Variants in GRM8 observed in about 807,000 individuals in gnomAD.
GRM8 encodes the protein metabotropic glutamate receptor 8.
In GRM8, 47 loss-of-function variants were observed where a neutral mutation model predicts 87.2. The ratio of observed to expected loss-of-function variants is 0.54; its 90% CI spans 0.43 to 0.69. The LOEUF (loss-of-function observed/expected upper bound fraction) is 0.69, where lower values mean the gene tolerates loss of function less well. Among genes scored for constraint, GRM8 ranks in the 30% least tolerant of loss-of-function variants. The pLI, the probability that GRM8 is intolerant of heterozygous loss-of-function variation, is 0.00. For missense variants in GRM8, 1,019 were observed against 1,139.2 expected (o/e 0.89, Z 1.52); for synonymous variants, 396 against 404.5 (o/e 0.98, Z 0.25).
intron 3 of GRM8, among the ~76,000 whole-genome samples, chr7:127,061,618 C>T (rs1820599310): frequency 1.3e-5 from 2 of 152,094 alleles, no homozygotes; most frequent in Admixed American, 6.5e-5. Flanking sequence ...ACCCTTCCTC[C>T]CCCTGCTGAT....
intron 7 of GRM8, among the ~76,000 whole-genome samples, chr7:126,763,472 TACACACACACAC>T (rs143608746): frequency 1.0e-4 from 8 of 78,358 alleles, no homozygotes; most frequent in Non-Finnish European, 2.0e-4. Flanking sequence ...TATATATATA[TACACACACACAC>T]ACACACACAC....
At chr7:126,691,488 C>T (rs1187580377) in intron 7 of GRM8, among the ~76,000 whole-genome samples, 1 of 152,206 alleles carries the variant, frequency 6.6e-6, no homozygotes, top group Admixed American at 6.5e-5. Context: ...GGTTCCTGCC[C>T]CTCCAACTTG....
chr7:126,828,196 G>T (rs989265845), intron 6 of GRM8, among the ~76,000 whole-genome samples: 1 of 152,042 alleles, frequency 6.6e-6, no homozygotes, highest in Admixed American at 6.6e-5. Flanking sequence ...GTCTCTGCCC[G>T]GCTTTGGTAT....
rs565692007 is a variant in GRM8 at position 127,047,850 on chromosome 7, A to C, written c.727+58646T>G. The stretch of plus-strand genomic sequence containing the variant: ...GACCCTGTTTCAAAAAATAAAAAAT[A>C]AAAAAGCAATGCAAAATATCTTCCT... On this transcript the variant is annotated intron_variant, in intron 3 of 10. Coordinates refer to ENST00000339582, the MANE Select transcript of GRM8 (RefSeq NM_000845.3). 2.8e-4 allele frequency among the ~76,000 whole-genome samples: 42 copies of C among 152,318 alleles called. 1 individual carries two copies. In the South Asian group the frequency reaches 7.0e-3, roughly 26 times the overall value.
intron 7 of GRM8, among the ~76,000 whole-genome samples, chr7:126,762,008 T>C (rs1817629635): frequency 6.6e-6 from 1 of 152,124 alleles, no homozygotes; most frequent in Non-Finnish European, 1.5e-5. Flanking sequence ...AATTGAATTA[T>C]TGTTAGTAAC....
At chr7:127,017,661 A>G (rs1009359004) in intron 3 of GRM8, among the ~76,000 whole-genome samples, 1 of 152,022 alleles carries the variant, frequency 6.6e-6, no homozygotes, top group African/African-American at 2.4e-5. Context: ...GGGGTGATGG[A>G]GAGGCATTCC....
chr7:126,710,678 C>T (rs1009366880), intron 7 of GRM8, among the ~76,000 whole-genome samples: 2 of 152,174 alleles, frequency 1.3e-5, no homozygotes, highest in African/African-American at 4.8e-5. Context: ...CCACTGAAGT[C>T]TTGAACCCTT....
intron 3 of GRM8, among the ~76,000 whole-genome samples, chr7:126,935,654 G>C (rs1315592322): frequency 6.6e-6 from 1 of 152,198 alleles, no homozygotes; most frequent in Non-Finnish European, 1.5e-5. Flanking sequence ...GTGCACACTA[G>C]CAAGGTTCAG....
intron 2 of GRM8, among the ~76,000 whole-genome samples, chr7:127,128,265 T>C (rs1827482343): frequency 6.6e-6 from 1 of 152,098 alleles, no homozygotes; most frequent in East Asian, 1.9e-4. Flanking sequence ...TTTATTAACC[T>C]CATATGGAGA....
intron 2 of GRM8, among the ~76,000 whole-genome samples, chr7:127,138,406 A>T (rs2133255529): frequency 6.6e-6 from 1 of 152,240 alleles, no homozygotes. Flanking sequence ...CTGTATTTTC[A>T]TAAGCACTCC....
intron 6 of GRM8, among the ~76,000 whole-genome samples, chr7:126,873,205 C>T (rs763461972): frequency 2.0e-5 from 3 of 152,112 alleles, no homozygotes; most frequent in Non-Finnish European, 2.9e-5. Flanking sequence ...TTCAATGTGG[C>T]TTTCTGATGA....
chr7:127,100,061 G>A (rs767218820), intron 3 of GRM8, among the ~76,000 whole-genome samples: 4 of 152,152 alleles, frequency 2.6e-5, no homozygotes, highest in African/African-American at 9.7e-5. Flanking sequence ...AACACCAGAA[G>A]CTAATAGAGG....
chr7:126,641,755 G>T (rs1802410167), intron 7 of GRM8, among the ~76,000 whole-genome samples: 1 of 152,116 alleles, frequency 6.6e-6, no homozygotes, highest in Non-Finnish European at 1.5e-5. Flanking sequence ...ACCACTACAT[G>T]ATCTTGCAGC....
chr7:126,527,031 C>T (rs1813957659), intron 9 of GRM8, among the ~76,000 whole-genome samples: 1 of 152,198 alleles, frequency 6.6e-6, no homozygotes. Flanking sequence ...AAAGGATCTG[C>T]TTCAAATGAC....
chr7:126,721,262 A>C (rs1245938850), intron 7 of GRM8, among the ~76,000 whole-genome samples: 1 of 152,188 alleles, frequency 6.6e-6, no homozygotes, highest in Non-Finnish European at 1.5e-5. Context: ...ACAATCAAAA[A>C]TCTTTTCAAT....
At chr7:126,482,043 G>C (rs1483511407) in intron 9 of GRM8, among the ~76,000 whole-genome samples, 1 of 151,980 alleles carries the variant, frequency 6.6e-6, no homozygotes, top group Non-Finnish European at 1.5e-5. Flanking sequence ...TGGCTAATAA[G>C]CATATAAAAT....
chr7:126,732,462 T>C (rs1813712469), intron 7 of GRM8, among the ~76,000 whole-genome samples: 1 of 152,132 alleles, frequency 6.6e-6, no homozygotes, highest in Admixed American at 6.6e-5. Context: ...GTAGAATCTA[T>C]TCATATCCCA....
intron 7 of GRM8, among the ~76,000 whole-genome samples, chr7:126,695,096 A>G (rs1331004492): frequency 1.3e-5 from 2 of 152,190 alleles, no homozygotes; most frequent in Non-Finnish European, 2.9e-5. Flanking sequence ...CTTTTCCAAC[A>G]GAGGAGGAAT....
intron 3 of GRM8, among the ~76,000 whole-genome samples, chr7:126,906,069 G>A (rs780628553): frequency 1.3e-5 from 2 of 152,150 alleles, no homozygotes; most frequent in East Asian, 3.9e-4. Context: ...TAGGAGATGG[G>A]ACTGTTGGGA....
Sources: allele counts gnomAD v4.1 joint callset (sites outside exome capture counted in the v4.1 genomes callset), GRCh38; gene constraint gnomAD v4.1.1; transcripts MANE v1.5; gene names NCBI Gene and HGNC (gene_info 2026-07-23, HGNC 2026-07-21).